Variants in IPO8 observed in about 807,000 individuals in gnomAD.
IPO8 encodes the protein importin-8.
Under a neutral mutation model 141.2 loss-of-function variants are expected in IPO8, and 65 were observed. The observed-to-expected ratio is 0.46, with a 90% CI of 0.38 to 0.57. IPO8 has a LOEUF of 0.57. Among genes scored for constraint, IPO8 ranks in the 20% least tolerant of loss-of-function variants. IPO8 has a pLI of 0.00. For missense variants in IPO8, 980 were observed against 1,246.8 expected (o/e 0.79, Z 3.22); for synonymous variants, 411 against 420.3 (o/e 0.98, Z 0.27).
At chr12:30,669,843 G>A (rs758288679) in intron 9 of IPO8, among the ~76,000 whole-genome samples, 1 of 152,034 alleles carries the variant, frequency 6.6e-6, no homozygotes, top group Non-Finnish European at 1.5e-5. Flanking sequence ...GTTTCAGTTA[G>A]AGAAAAGTCC....
chr12:30,657,035 A>AT (rs1292060062), intron 16 of IPO8, among the ~76,000 whole-genome samples: 7 of 152,134 alleles, frequency 4.6e-5, no homozygotes, highest in African/African-American at 1.7e-4. Context: ...GAAATAAACC[A>AT]TAAAAAAATA....
At chr12:30,641,507 T>C (rs1490454274) in intron 20 of IPO8, among the ~76,000 whole-genome samples, 1 of 127,102 alleles carries the variant, frequency 7.9e-6, no homozygotes, top group Non-Finnish European at 1.7e-5. Context: ...TTTTTTTTTT[T>C]TTTTCTTTTT....
intron 5 of IPO8, among the ~76,000 whole-genome samples, chr12:30,677,690 T>C (rs1366205527): frequency 2.0e-5 from 3 of 152,110 alleles, no homozygotes; most frequent in Non-Finnish European, 4.4e-5. Flanking sequence ...TGTGTGTGTG[T>C]CTTAGTTTTT....
At chr12:30,669,420 G>T in intron 9 of IPO8, 138 bp from the exon 10 acceptor site, 2 of 481,786 alleles carry the variant, frequency 4.2e-6, no homozygotes, top group South Asian at 4.3e-5. Context: ...GTCAAGTCGA[G>T]GTTATATTTA....
intron 2 of IPO8, 107 bp downstream of exon 2, chr12:30,690,389 A>C: frequency 1.4e-6 from 1 of 698,622 alleles, no homozygotes; most frequent in Non-Finnish European, 2.5e-6. Context: ...CATGAGTGCT[A>C]GTGCTTCTGA....
chr12:30,648,670 C>A (rs2052682158), intron 20 of IPO8, among the ~76,000 whole-genome samples: 1 of 151,808 alleles, frequency 6.6e-6, no homozygotes, highest in Admixed American at 6.6e-5. Flanking sequence ...ACAATAGTAT[C>A]AAAAATTGCA....
intron 12 of IPO8, 74 bp from the exon 13 acceptor site, chr12:30,665,383 A>T: frequency 1.2e-6 from 1 of 862,812 alleles, no homozygotes. Context: ...AAGTGTGTTT[A>T]CTATGACTTG....
At chr12:30,631,851 C>T (rs1189192235) in intron 24 of IPO8, 44 bp downstream of exon 24, 5 of 1,314,364 alleles carry the variant, frequency 3.8e-6, no homozygotes, top group Admixed American at 3.6e-5. Context: ...TGTCTGTTGG[C>T]ACTCTGACAC....
At chr12:30,638,629 G>A (rs1477038416) in intron 21 of IPO8, among the ~76,000 whole-genome samples, 1 of 152,104 alleles carries the variant, frequency 6.6e-6, no homozygotes, top group East Asian at 1.9e-4. Context: ...ATCTGTGTTG[G>A]GTGACCTGAG....
In IPO8 at chr12:30,674,086, A is replaced by C; in HGVS notation, c.825-12T>G. 1 of 1,489,248 alleles carries C rather than the reference A, an allele frequency of 6.7e-7. No individual in the cohort carries two copies. The highest frequency in any genetic ancestry group is 1.4e-5 in the African/African-American group (1 of 72,956). 92.3% of individuals were successfully genotyped at this position (1,489,248 alleles called of 1,614,324 possible). A position where few individuals can be genotyped will look rare whatever the true frequency, so the allele number is the denominator to read the frequency against. On this transcript the variant is annotated splice_polypyrimidine_tract_variant and intron_variant, in intron 7 of 24. Transcript: ENST00000256079. Reference sequence around the variant, plus strand: ...CTGGGCTTCCATATCTTAAAATACAAAGAGAAAATGTACAAATACCGTGAA... The same window carrying C: ...CTGGGCTTCCATATCTTAAAATACACAGAGAAAATGTACAAATACCGTGAA...
chr12:30,661,618 A>C lies in IPO8; in HGVS notation c.1756-352T>G, dbSNP rs867992334. Among the ~76,000 whole-genome samples, 218 of 129,132 alleles carry C rather than the reference A, an allele frequency of 1.7e-3. 3 individuals are homozygous for C. The highest frequency in any genetic ancestry group is 8.8e-4 in the Admixed American group (12 of 13,698). 84.7% of individuals were successfully genotyped at this position (129,132 alleles called of 152,430 possible). A position where few individuals can be genotyped will look rare whatever the true frequency, so the allele number is the denominator to read the frequency against. Reference sequence around the variant, plus strand: ...TCACTTAGAAAATGAAACAAACAAAAAAAAAAAACAGACATGGAAAACAGG... The same window carrying C: ...TCACTTAGAAAATGAAACAAACAAACAAAAAAAACAGACATGGAAAACAGG... On this transcript the variant is annotated intron_variant, in intron 15 of 24. Coordinates refer to ENST00000256079, the MANE Select transcript of IPO8 (RefSeq NM_006390.4).
chr12:30,671,414 C>T lies in IPO8; in HGVS notation c.910-318G>A, dbSNP rs184154659. On this transcript the variant is annotated intron_variant, in intron 8 of 24. Transcript: ENST00000256079. ...AGGAGCCGGGCACGGTGGCTCAAGC[C>T]TGTAATCCCAGCACTTTGGGAGGCC... Among the ~76,000 whole-genome samples the T allele has an allele frequency of 8.2e-3, 1,253 of 152,246 alleles. 16 individuals carry two copies. Among genetic ancestry groups the T allele is most frequent in the African/African-American group, 0.029 (1,205 of 41,540 alleles).
chr12:30,660,925 A>ATGT (rs2052876091), intron 16 of IPO8, among the ~76,000 whole-genome samples: 1 of 121,746 alleles, frequency 8.2e-6, no homozygotes, highest in African/African-American at 3.4e-5. Context: ...ATACTTTATA[A>ATGT]TATTTACATT....
chr12:30,680,668 T>C (rs780606079), intron 4 of IPO8, 30 bp from the exon 5 acceptor site: 2 of 1,558,156 alleles, frequency 1.3e-6, no homozygotes, highest in South Asian at 1.2e-5. Flanking sequence ...AACAGAAAAG[T>C]AATTTTTCCC....
chr12:30,663,792 G>T, intron 13 of IPO8, 138 bp from the exon 14 acceptor site: 1 of 545,016 alleles, frequency 1.8e-6, no homozygotes, highest in Non-Finnish European at 2.8e-6. Flanking sequence ...AGTAGCCTTA[G>T]TTTCTAACTT....
intron 2 of IPO8, 88 bp downstream of exon 2, chr12:30,690,408 A>G: frequency 1.2e-6 from 1 of 800,358 alleles, no homozygotes; most frequent in Non-Finnish European, 2.0e-6. Flanking sequence ...GAATTTTTCA[A>G]TAAATTACAG....
rs912408931 is a variant in IPO8 at position 30,675,692 on chromosome 12, A to T, written c.729+806T>A. On this transcript the variant is annotated intron_variant, in intron 6 of 24. Coordinates refer to ENST00000256079, the MANE Select transcript of IPO8 (RefSeq NM_006390.4). Reference sequence around the variant, plus strand: ...AAAAAAAACAAAAAAAACAAAAAAAAAATTAGCCGGGCGTGGTGGCGAGCA... The same window carrying T: ...AAAAAAAACAAAAAAAACAAAAAAATAATTAGCCGGGCGTGGTGGCGAGCA... Among the ~76,000 whole-genome samples, 6 of 151,618 alleles carry T rather than the reference A, an allele frequency of 4.0e-5. No individual in the cohort carries two copies. In the East Asian group the frequency reaches 7.8e-4, roughly 20 times the overall value.
At chr12:30,683,990 T>A (rs2053214866) in intron 3 of IPO8, among the ~76,000 whole-genome samples, 1 of 152,208 alleles carries the variant, frequency 6.6e-6, no homozygotes, top group African/African-American at 2.4e-5. Flanking sequence ...ACTCAAGAGA[T>A]CATTACTAAG....
intron 14 of IPO8, among the ~76,000 whole-genome samples, chr12:30,662,854 T>C (rs75597900): frequency 0.041 from 6,166 of 152,220 alleles, 184 homozygotes; most frequent in Non-Finnish European, 0.06. Context: ...GTGAAGACTA[T>C]CCCGAATACT....
Sources: gnomAD v4.1 joint callset for allele counts (sites outside exome capture counted in the v4.1 genomes callset) on GRCh38, gnomAD v4.1.1 for gene constraint, MANE v1.5 for transcripts, NCBI Gene and HGNC (gene_info 2026-07-23, HGNC 2026-07-21) for gene names.